Variants in IGF1R observed in about 807,000 individuals in gnomAD.
The protein encoded by IGF1R is insulin-like growth factor 1 receptor.
IGF1R carries 44 observed loss-of-function variants against 144.6 expected under a neutral mutation model. That is an observed-to-expected ratio of 0.30 (90% CI 0.24 to 0.39). IGF1R has a LOEUF of 0.39. IGF1R is among the 10% of genes least tolerant of loss of function. The probability of loss-of-function intolerance (pLI) is 1.00; values close to 1 mark genes in which losing one functional copy is unlikely to be tolerated. For synonymous variants in IGF1R, 795 were observed against 722.8 expected (o/e 1.10, Z -1.60); for missense variants, 1,355 against 1,833.7 (o/e 0.74, Z 4.77).
At position 98,960,973 on chromosome 15, in the gene IGF1R, C is replaced by T. The variant is rs971550371; in HGVS notation, c.*3531C>T. 4.3e-6 allele frequency: 1 copy of T among 233,848 alleles called. No homozygotes were observed. Among genetic ancestry groups the T allele is most frequent in the Non-Finnish European group, 8.5e-6 (1 of 118,140 alleles). The allele number at this position is 233,848 out of a possible 1,614,324, so 14.5% of individuals were successfully genotyped here. A position where few individuals can be genotyped will look rare whatever the true frequency, so the allele number is the denominator to read the frequency against. On this transcript the variant is annotated 3_prime_UTR_variant, in exon 21 of 21. Coordinates refer to ENST00000650285, the MANE Select transcript of IGF1R (RefSeq NM_000875.5). ...GCTCACAGGACAGACGGCTCGCTCC[C>T]CTCTTCCAGCAGCTGCTCTTACAGG... is the stretch of plus-strand genomic sequence containing the variant.
At chr15:98,810,634 C>T (rs373808406) in intron 2 of IGF1R, among the ~76,000 whole-genome samples, 52 of 151,818 alleles carry the variant, frequency 3.4e-4, no homozygotes, top group Admixed American at 8.5e-4. Context: ...CTGCAGGCTC[C>T]GCCTCCCGGC....
intron 3 of IGF1R, among the ~76,000 whole-genome samples, chr15:98,893,123 T>C (rs932025453): frequency 3.8e-4 from 58 of 152,358 alleles, no homozygotes; most frequent in African/African-American, 1.3e-3. Flanking sequence ...TCTACAAATA[T>C]AAAAATATCG....
chr15:98,893,436 A>T (rs1042815265), intron 3 of IGF1R: 28 of 152,238 alleles, frequency 1.8e-4, no homozygotes, highest in African/African-American at 6.0e-4. Flanking sequence ...TACATATTAC[A>T]TCCAAAATCA....
intron 2 of IGF1R, among the ~76,000 whole-genome samples, chr15:98,876,884 C>G (rs923707226): frequency 1.3e-5 from 2 of 152,194 alleles, no homozygotes; most frequent in African/African-American, 4.8e-5. Flanking sequence ...TCTAGTTGAT[C>G]TTTTGTGATT....
intron 2 of IGF1R, among the ~76,000 whole-genome samples, chr15:98,828,714 G>A (rs868428878): frequency 7.9e-5 from 12 of 151,198 alleles, no homozygotes; most frequent in Admixed American, 4.6e-4. Flanking sequence ...ACTATTTAAA[G>A]GAATCCTGAA....
intron 2 of IGF1R, among the ~76,000 whole-genome samples, chr15:98,757,818 TA>T (rs2055192994): frequency 6.6e-6 from 1 of 152,252 alleles, no homozygotes. Context: ...CATTTTGCTT[TA>T]TTGCTTTCAT....
intron 17 of IGF1R, among the ~76,000 whole-genome samples, chr15:98,936,584 A>T (rs1387569323): frequency 6.6e-6 from 1 of 150,490 alleles, no homozygotes; most frequent in Non-Finnish European, 1.5e-5. Flanking sequence ...CCCCTTTGGA[A>T]ATTCTTTTGC....
At chr15:98,899,292 C>G (rs1019453624) in intron 4 of IGF1R, among the ~76,000 whole-genome samples, 185 bp from the exon 5 acceptor site, 1 of 152,202 alleles carries the variant, frequency 6.6e-6, no homozygotes, top group Admixed American at 6.5e-5. Flanking sequence ...AGGCCTCGTT[C>G]CAGGAGTCGT....
chr15:98,798,398 G>A (rs1371730157), intron 2 of IGF1R, among the ~76,000 whole-genome samples: 3 of 152,156 alleles, frequency 2.0e-5, no homozygotes, highest in South Asian at 2.1e-4. Context: ...TGGAGGCCAC[G>A]GTGAGGACTT....
At chr15:98,829,384 TGA>T (rs2056960516) in intron 2 of IGF1R, among the ~76,000 whole-genome samples, 2 of 151,856 alleles carry the variant, frequency 1.3e-5, no homozygotes, top group Middle Eastern at 3.4e-3. Context: ...AAAAAAAACT[TGA>T]GGTTTGGTTT....
At chr15:98,930,109 C>A in intron 14 of IGF1R, 126 bp from the exon 15 acceptor site, 1 of 750,346 alleles carries the variant, frequency 1.3e-6, no homozygotes, top group South Asian at 1.5e-5. Context: ...AGACAGTAAG[C>A]TCTCCCCATT....
chr15:98,804,452 CTTTTGT>C (rs113749018), intron 2 of IGF1R, among the ~76,000 whole-genome samples: 2,954 of 151,972 alleles, frequency 0.019, 92 homozygotes, highest in African/African-American at 0.067. Context: ...AAACACATGA[CTTTTGT>C]TTTTGTTTTT....
intron 1 of IGF1R, chr15:98,650,834 A>T (rs190003378): frequency 9.0e-6 from 8 of 890,398 alleles, no homozygotes; most frequent in East Asian, 1.2e-4. Context: ...GTCGCTCCAC[A>T]TTCGCTGTCT....
chr15:98,819,637 A>G (rs1048025889), intron 2 of IGF1R, among the ~76,000 whole-genome samples: 1 of 152,210 alleles, frequency 6.6e-6, no homozygotes, highest in African/African-American at 2.4e-5. Context: ...GTGCCCAGAC[A>G]GGCTAGGACA....
At chr15:98,887,731 C>G (rs1445954220) in intron 2 of IGF1R, among the ~76,000 whole-genome samples, 1 of 152,240 alleles carries the variant, frequency 6.6e-6, no homozygotes, top group Non-Finnish European at 1.5e-5. Context: ...CTGAACCTCA[C>G]AGATCCATTA....
chr15:98,717,913 C>T (rs1447591783), intron 2 of IGF1R, among the ~76,000 whole-genome samples: 5 of 152,242 alleles, frequency 3.3e-5, no homozygotes, highest in Admixed American at 2.6e-4. Flanking sequence ...GAAGCATGTG[C>T]CTGTTTATCC....
Position 98,768,614 on chromosome 15 carries a change from C to CA in IGF1R, c.640+60523dup, listed in dbSNP as rs57466735. Among the ~76,000 whole-genome samples the CA allele has an allele frequency of 4.6e-3, 533 of 116,392 alleles. 1 individual carries two copies. Among genetic ancestry groups the CA allele is most frequent in the African/African-American group, 0.017 (497 of 29,882 alleles). The allele number at this position is 116,392 out of a possible 152,430, so 76.4% of individuals were successfully genotyped here. ...TGGGTGACAAAGCGAGACTCCATCTCAAAAAAAAAAAAAAAATGCCCACAA... is the reference window on the plus strand; with the variant it reads ...TGGGTGACAAAGCGAGACTCCATCTCAAAAAAAAAAAAAAAAATGCCCACAA... On this transcript the variant is annotated intron_variant, in intron 2 of 20. Transcript: ENST00000650285.
chr15:98,929,453 C>T (rs934307264), intron 13 of IGF1R, 105 bp from the exon 14 acceptor site: 11 of 866,716 alleles, frequency 1.3e-5, no homozygotes, highest in East Asian at 4.8e-5. Flanking sequence ...GGGGAGTAAA[C>T]GAATATACAG....
intron 2 of IGF1R, among the ~76,000 whole-genome samples, chr15:98,764,352 A>G (rs1172557703): frequency 6.6e-6 from 1 of 152,082 alleles, no homozygotes; most frequent in Non-Finnish European, 1.5e-5. Flanking sequence ...TTTTTTTGTT[A>G]CACTAGTTTT....
Sources: gnomAD v4.1 joint callset for allele counts (sites outside exome capture counted in the v4.1 genomes callset) on GRCh38, gnomAD v4.1.1 for gene constraint, MANE v1.5 for transcripts, NCBI Gene and HGNC (gene_info 2026-07-23, HGNC 2026-07-21) for gene names.